Variants in UCK2 observed in about 807,000 individuals in gnomAD.
UCK2 encodes the protein cytidine monophosphokinase 2.
In UCK2, 6 loss-of-function variants were observed where a neutral mutation model predicts 30.8. The observed-to-expected ratio is 0.19, with a 90% CI of 0.11 to 0.38. The LOEUF (loss-of-function observed/expected upper bound fraction) is 0.38, where lower values mean the gene tolerates loss of function less well. UCK2 is among the 10% of genes least tolerant of loss of function. The pLI, the probability that UCK2 is intolerant of heterozygous loss-of-function variation, is 1.00. For missense variants in UCK2, 210 were observed against 339.8 expected, an observed-to-expected ratio of 0.62 and a Z score of 3.00; for synonymous variants, 125 against 133.6, an observed-to-expected ratio of 0.94 and a Z score of 0.45.
chr1:165,895,847 G>T (rs984419945), intron 3 of UCK2: 1 of 207,960 alleles, frequency 4.8e-6, no homozygotes, highest in Non-Finnish European at 9.0e-6. Context: ...GACGCCTTCA[G>T]AGAAAAAAAG....
intron 1 of UCK2, among the ~76,000 whole-genome samples, chr1:165,862,104 A>G (rs1223452749): frequency 6.6e-6 from 1 of 152,052 alleles, no homozygotes; most frequent in Non-Finnish European, 1.5e-5. Flanking sequence ...ATCCTTGCTA[A>G]ATACTTGACG....
chr1:165,842,465 A>G (rs1654354222), intron 1 of UCK2, among the ~76,000 whole-genome samples: 1 of 151,976 alleles, frequency 6.6e-6, no homozygotes, highest in Non-Finnish European at 1.5e-5. Flanking sequence ...CTCTACCTGT[A>G]TTTTCTCTCC....
chr1:165,832,985 A>G (rs1242948633), intron 1 of UCK2, among the ~76,000 whole-genome samples: 1 of 151,990 alleles, frequency 6.6e-6, no homozygotes, highest in Non-Finnish European at 1.5e-5. Context: ...GTGTGTGACC[A>G]TTATAGGATA....
intron 1 of UCK2, among the ~76,000 whole-genome samples, chr1:165,880,558 T>TG (rs1557843836): frequency 8.1e-5 from 7 of 86,380 alleles, no homozygotes; most frequent in African/African-American, 2.0e-4. Context: ...CATTCAGTTT[T>TG]TTTTGGGGGT....
At chr1:165,864,654 A>G (rs1655000680) in intron 1 of UCK2, among the ~76,000 whole-genome samples, 1 of 152,178 alleles carries the variant, frequency 6.6e-6, no homozygotes, top group Non-Finnish European at 1.5e-5. Flanking sequence ...GGTTTTGGAT[A>G]AAATTGAGAT....
chr1:165,842,765 A>G (rs886912136), intron 1 of UCK2, among the ~76,000 whole-genome samples: 4 of 152,136 alleles, frequency 2.6e-5, no homozygotes, highest in Admixed American at 6.5e-5. Flanking sequence ...ACATTCTTCA[A>G]TAGCTCTTCT....
At position 165,896,230 on chromosome 1, in the gene UCK2, C is replaced by G; in HGVS notation, c.397C>G (p.Leu133Val). 1 of 1,614,172 alleles carries G rather than the reference C, an allele frequency of 6.2e-7. No homozygotes were observed. Reference sequence around the variant, plus strand: ...TACTGTCTATCCCGCAGACGTGGTGCTCTTTGAAGGGATCCTGGCCTTCTA... The same window carrying G: ...TACTGTCTATCCCGCAGACGTGGTGGTCTTTGAAGGGATCCTGGCCTTCTA... The part of the protein sequence containing the change: ...TVTVYPADVV[L>V]FEGILAFYSQ... The change falls in exon 4 of 7, where the codon CTC becomes GTC. Residue 133 changes from leucine (L) to valine (V), a missense_variant. Leu to Val is a conservative substitution (Grantham distance 32, BLOSUM62 1). Around this residue, in one of 4 missense-constraint regions of UCK2, gnomAD observed 47 missense variants for 128.7 expected, o/e 0.37. Coordinates refer to ENST00000367879, the MANE Select transcript of UCK2 (RefSeq NM_012474.5).
chr1:165,899,932 A>G lies in UCK2; in HGVS notation c.500-3250A>G, dbSNP rs117827150. On this transcript the variant is annotated intron_variant, in intron 4 of 6. Coordinates refer to ENST00000367879, the MANE Select transcript of UCK2 (RefSeq NM_012474.5). ...GGTGGGCAAGGCCTTATGATGTTGC[A>G]TGTTCCCAGTGTCTGGGCAACATTC... Among the ~76,000 whole-genome samples, 1,357 of 152,136 alleles carry G rather than the reference A, an allele frequency of 8.9e-3. 36 individuals are homozygous for G. Among genetic ancestry groups the G allele is most frequent in the Admixed American group, 0.057 (875 of 15,280 alleles).
chr1:165,865,384 A>G (rs950170737), intron 1 of UCK2, among the ~76,000 whole-genome samples: 1 of 152,182 alleles, frequency 6.6e-6, no homozygotes, highest in African/African-American at 2.4e-5. Flanking sequence ...CAGGGGTGAC[A>G]GTACTGAAAG....
At chr1:165,843,348 A>G (rs1396271218) in intron 1 of UCK2, among the ~76,000 whole-genome samples, 1 of 152,198 alleles carries the variant, frequency 6.6e-6, no homozygotes. Flanking sequence ...TAGTTTTGGG[A>G]AAAGTCATCT....
intron 1 of UCK2, among the ~76,000 whole-genome samples, chr1:165,832,827 A>G (rs896172532): frequency 4.0e-5 from 6 of 151,862 alleles, no homozygotes; most frequent in Non-Finnish European, 7.4e-5. Flanking sequence ...TTCTGACCTC[A>G]TGATCCGCCT....
Position 165,905,835 on chromosome 1 carries a change from G to C in UCK2, c.598-86G>C. 2.3e-5 allele frequency: 30 copies of C among 1,279,516 alleles called. No homozygotes were observed. In the South Asian group the frequency reaches 3.5e-4, roughly 15 times the overall value. 79.3% of individuals were successfully genotyped at this position (1,279,516 alleles called of 1,614,324 possible). On this transcript the variant is annotated intron_variant, in intron 5 of 6. Coordinates refer to ENST00000367879, the MANE Select transcript of UCK2 (RefSeq NM_012474.5). ...TTCTGGGCTCGCTAGTATGAATGCT[G>C]CCCTTTCCCCATATTCCCTTGGAGA...
chr1:165,892,413 G>A (rs1234279644), intron 3 of UCK2, among the ~76,000 whole-genome samples: 2 of 152,164 alleles, frequency 1.3e-5, no homozygotes, highest in Non-Finnish European at 2.9e-5. Flanking sequence ...TGGAGCAGAA[G>A]CTGGGGTTCA....
intron 1 of UCK2, among the ~76,000 whole-genome samples, chr1:165,888,988 C>A (rs1040225554): frequency 2.0e-5 from 3 of 152,152 alleles, no homozygotes; most frequent in East Asian, 1.9e-4. Flanking sequence ...GAAAAAGGGG[C>A]AGACACATGT....
chr1:165,896,896 G>T (rs897337136), intron 4 of UCK2, among the ~76,000 whole-genome samples: 2 of 152,222 alleles, frequency 1.3e-5, no homozygotes, highest in African/African-American at 4.8e-5. Context: ...CTAAGTCCCT[G>T]TGCTTGTGTG....
chr1:165,898,613 G>A (rs1647352353), intron 4 of UCK2, among the ~76,000 whole-genome samples: 1 of 152,214 alleles, frequency 6.6e-6, no homozygotes, highest in Non-Finnish European at 1.5e-5. Context: ...GCAGCAGGGA[G>A]TGCAGGAACC....
chr1:165,853,812 G>A (rs1260054803), intron 1 of UCK2, among the ~76,000 whole-genome samples: 2 of 152,074 alleles, frequency 1.3e-5, no homozygotes, highest in Non-Finnish European at 1.5e-5. Context: ...TTTCACAACT[G>A]GAGACAAGTG....
chr1:165,900,885 G>A (rs1647437101), intron 4 of UCK2, among the ~76,000 whole-genome samples: 1 of 152,250 alleles, frequency 6.6e-6, no homozygotes, highest in South Asian at 2.1e-4. Context: ...AGCTGCCCAA[G>A]CACGGGTGTG....
chr1:165,889,807 C>G (rs1476110157), intron 1 of UCK2, among the ~76,000 whole-genome samples: 1 of 151,050 alleles, frequency 6.6e-6, no homozygotes, highest in Non-Finnish European at 1.5e-5. Context: ...AAGCCTAGTA[C>G]CCATTAGTTA....
Sources: gnomAD v4.1 joint callset for allele counts (sites outside exome capture counted in the v4.1 genomes callset) on GRCh38, gnomAD v4.1.1 for gene constraint, gnomAD v4.1.1 regional missense constraint, MANE v1.5 for transcripts, NCBI Gene and HGNC (gene_info 2026-07-23, HGNC 2026-07-21) for gene names.